RBM27: variants seen among roughly 807,000 people sequenced by gnomAD.
The protein encoded by RBM27 is RNA-binding protein 27.
In RBM27, 22 loss-of-function variants were observed where a neutral mutation model predicts 135.3. That is an observed-to-expected ratio of 0.16 (90% CI 0.12 to 0.23). The LOEUF (loss-of-function observed/expected upper bound fraction) is 0.23. Among genes scored for constraint, RBM27 ranks in the 10% least tolerant of loss-of-function variants. The pLI is 1.00. For synonymous variants in RBM27, 481 were observed against 442.4 expected (o/e 1.09, Z -1.10); for missense variants, 1,009 against 1,281.0 (o/e 0.79, Z 3.24).
chr5:146,284,685 G>GTACCAT lies in RBM27; in HGVS notation c.3053_3058dup (p.Pro1019_Ser1020insLeuPro). On this transcript the variant is annotated inframe_insertion, in exon 20 of 21. Coordinates refer to ENST00000265271, the MANE Select transcript of RBM27 (RefSeq NM_018989.2). ...ACAGATATCATGGCACAAGCCCAAG[G>GTACCAT]TACCATCTATATCCACTGAGACTGA... 6.2e-7 allele frequency: 1 copy of GTACCAT among 1,613,452 alleles called. No homozygotes were observed. The highest frequency in any genetic ancestry group is 8.5e-7 in the Non-Finnish European group (1 of 1,179,612).
At position 146,287,765 on chromosome 5, in the gene RBM27, T is replaced by C. The variant is rs1033901992; in HGVS notation, c.*1735T>C. 1 of 152,170 alleles carries C rather than the reference T, an allele frequency of 6.6e-6. No individual in the cohort carries two copies. Among genetic ancestry groups the C allele is most frequent in the Non-Finnish European group, 1.5e-5 (1 of 68,004 alleles). The allele number at this position is 152,170 out of a possible 1,614,324, so 9.4% of individuals were successfully genotyped here. ...TTCTTTCATAATAATGAGGACTTCCTTTTTCTAGGTTATTGTTATATTTCT... is the reference window on the plus strand; with the variant it reads ...TTCTTTCATAATAATGAGGACTTCCCTTTTCTAGGTTATTGTTATATTTCT... On this transcript the variant is annotated 3_prime_UTR_variant, in exon 21 of 21. Transcript: ENST00000265271.
At chr5:146,276,394 C>T (rs1463238616) in intron 19 of RBM27, among the ~76,000 whole-genome samples, 2 of 152,064 alleles carry the variant, frequency 1.3e-5, no homozygotes, top group Non-Finnish European at 2.9e-5. Context: ...ACCTGTGCTC[C>T]CACAATATTT....
chr5:146,278,855 G>A (rs988475684), intron 19 of RBM27, among the ~76,000 whole-genome samples: 4 of 151,696 alleles, frequency 2.6e-5, no homozygotes, highest in Non-Finnish European at 5.9e-5. Flanking sequence ...CCGAGTAGCT[G>A]GGACTACAGG....
In RBM27 at chr5:146,229,890, G is replaced by A. The variant is rs376785271; in HGVS notation, c.569G>A (p.Arg190Gln). Residue 190 changes from arginine (R) to glutamine (Q), a missense_variant, in exon 5 of 21, where the codon CGG (arginine) becomes CAG (glutamine). This residue lies in a region of RBM27 where 268 missense variants were observed against 326.6 expected (regional missense o/e 0.82). Coordinates refer to ENST00000265271, the MANE Select transcript of RBM27 (RefSeq NM_018989.2). ...RSRSRGRSKDRDPNRNVEHRE... is the reference protein window; with the variant it reads ...RSRSRGRSKDQDPNRNVEHRE... ...CGAAGTAGGGGGCGCAGCAAAGACC[G>A]GGATCCAAATAGGAATGTTGGTGAG... 12 of 1,613,734 alleles carry A rather than the reference G, an allele frequency of 7.4e-6. No homozygotes were observed. The highest frequency in any genetic ancestry group is 1.3e-5 in the African/African-American group (1 of 74,896).
At position 146,287,759 on chromosome 5, in the gene RBM27, A is replaced by G. The variant is rs1759641180; in HGVS notation, c.*1729A>G. On this transcript the variant is annotated 3_prime_UTR_variant, in exon 21 of 21. Coordinates refer to ENST00000265271, the MANE Select transcript of RBM27 (RefSeq NM_018989.2). Reference sequence around the variant, plus strand: ...ATAATTTTCTTTCATAATAATGAGGACTTCCTTTTTCTAGGTTATTGTTAT... The same window carrying G: ...ATAATTTTCTTTCATAATAATGAGGGCTTCCTTTTTCTAGGTTATTGTTAT... The G allele has an allele frequency of 6.6e-6, 1 of 152,150 alleles. No individual in the cohort carries two copies. Among genetic ancestry groups the G allele is most frequent in the African/African-American group, 2.4e-5 (1 of 41,438 alleles). 9.4% of individuals were successfully genotyped at this position (152,150 alleles called of 1,614,324 possible).
chr5:146,229,857 G>C lies in RBM27; in HGVS notation c.536G>C (p.Ser179Thr), dbSNP rs984824252. The C allele has an allele frequency of 1.9e-6, 3 of 1,613,900 alleles. No homozygotes were observed. In the African/African-American group the frequency reaches 4.0e-5, roughly 22 times the overall value. The change falls in exon 5 of 21, where the codon AGT becomes ACT. Residue 179 changes from serine to threonine, a missense_variant. This residue lies in a region of RBM27 where 268 missense variants were observed against 326.6 expected (regional missense o/e 0.82). Transcript: ENST00000265271. ...AGTAAGAGTCGAGGCCTGAGTCGCA[G>C]TAGAAGCCGAAGTAGGGGGCGCAGC... is the stretch of plus-strand genomic sequence containing the variant. ...SRSKSRGLSR[S>T]RSRSRGRSKD...
chr5:146,270,880 T>G (rs927928240), intron 17 of RBM27, 74 bp from the exon 18 acceptor site: 2 of 892,880 alleles, frequency 2.2e-6, no homozygotes, highest in African/African-American at 3.4e-5. Flanking sequence ...TGTGTCATTG[T>G]GTAACTATCA....
chr5:146,263,697 TATC>T, intron 14 of RBM27, 66 bp downstream of exon 14: 2 of 1,547,884 alleles, frequency 1.3e-6, no homozygotes, highest in Non-Finnish European at 1.8e-6. Flanking sequence ...ATAAATCAGT[TATC>T]ATTCAGACAG....
rs780000362 is a variant in RBM27 at position 146,289,011 on chromosome 5, TCTAA to T, written c.*2984_*2987del. The T allele has an allele frequency of 2.6e-5, 4 of 152,146 alleles. No homozygotes were observed. The highest frequency in any genetic ancestry group is 6.5e-5 in the Admixed American group (1 of 15,268). The allele number at this position is 152,146 out of a possible 1,614,324, so 9.4% of individuals were successfully genotyped here. ...GTATAATAGGAGATATTGTTGAATT[TCTAA>T]CTGTTTATACATTTAAATTCATATA... On this transcript the variant is annotated 3_prime_UTR_variant, in exon 21 of 21. Transcript: ENST00000265271.
chr5:146,228,852 G>A, intron 3 of RBM27, 94 bp from the exon 4 acceptor site: 1 of 893,784 alleles, frequency 1.1e-6, no homozygotes, highest in Non-Finnish European at 1.8e-6. Flanking sequence ...GCCTCAAGCA[G>A]TCTTCCCACC....
At chr5:146,217,165 T>C (rs1295665061) in intron 1 of RBM27, among the ~76,000 whole-genome samples, 2 of 151,500 alleles carry the variant, frequency 1.3e-5, no homozygotes, top group African/African-American at 2.4e-5. Context: ...CGGGGTTTCG[T>C]CATGTTGTCC....
intron 9 of RBM27, 62 bp downstream of exon 9, chr5:146,251,937 C>G: frequency 6.5e-7 from 1 of 1,535,670 alleles, no homozygotes; most frequent in Non-Finnish European, 9.0e-7. Context: ...GCTGGCCAGT[C>G]TAAGCGGTGA....
intron 7 of RBM27, 98 bp downstream of exon 7, chr5:146,233,841 A>G: frequency 2.5e-6 from 2 of 811,578 alleles, no homozygotes; most frequent in Non-Finnish European, 3.5e-6. Flanking sequence ...TTTGAGAAAT[A>G]GAGTAATAAT....
At chr5:146,218,589 C>T (rs1756314110) in intron 1 of RBM27, among the ~76,000 whole-genome samples, 1 of 152,156 alleles carries the variant, frequency 6.6e-6, no homozygotes, top group South Asian at 2.1e-4. Flanking sequence ...CATCACTTCC[C>T]TTCCTTTTGC....
In RBM27 at chr5:146,260,842, A is replaced by C; in HGVS notation, c.1837A>C (p.Asn613His). The change falls in exon 12 of 21, where the codon AAC (asparagine) becomes CAC (histidine). Residue 613 changes from asparagine to histidine, a missense_variant. Asn to His is a moderately conservative substitution (Grantham distance 68). Coordinates refer to ENST00000265271, the MANE Select transcript of RBM27 (RefSeq NM_018989.2). ...CAAGAAAATCCCTCAGGAATTGAAC[A>C]ACATTACCAAGCTCAATGAACACTT... ...EVKKIPQELN[N>H]ITKLNEHFSK... 6.2e-7 allele frequency: 1 copy of C among 1,613,884 alleles called. No individual in the cohort carries two copies. The highest frequency in any genetic ancestry group is 8.5e-7 in the Non-Finnish European group (1 of 1,179,930).
In RBM27 at chr5:146,260,749, G is replaced by A; in HGVS notation, c.1744G>A (p.Gly582Arg). The A allele has an allele frequency of 6.2e-7, 1 of 1,602,648 alleles. No individual in the cohort carries two copies. Among genetic ancestry groups the A allele is most frequent in the African/African-American group, 1.3e-5 (1 of 74,416 alleles). ...LTKKPWLGKQ[G>R]NNNQNKPGFL... ...ATGTATTAATCTTCCTTTTAGGCAA[G>A]GAAATAACAATCAAAATAAACCAGG... The change falls in exon 12 of 21, where the codon GGA becomes AGA. Residue 582 changes from glycine to arginine, a missense_variant. By Grantham distance (125) the Gly-to-Arg change is moderately radical. Around this residue, in one of 6 missense-constraint regions of RBM27, gnomAD observed 329 missense variants for 368.1 expected, o/e 0.89. Transcript: ENST00000265271.
intron 10 of RBM27, 53 bp downstream of exon 10, chr5:146,255,145 A>G: frequency 1.3e-6 from 2 of 1,504,546 alleles, no homozygotes; most frequent in Non-Finnish European, 1.8e-6. Context: ...GTAGTTGGAT[A>G]TAGTTATTAC....
chr5:146,264,105 C>CA (rs377296275), intron 14 of RBM27, among the ~76,000 whole-genome samples: 7,852 of 122,650 alleles, frequency 0.064, 609 homozygotes, highest in African/African-American at 0.2. Flanking sequence ...GACCCTGTGT[C>CA]AAAAAAAAAA....
rs57117642 is a variant in RBM27, at chr5:146,211,464, C to CTTTTTTTTTTTTTTTTTT, written c.60-7508_60-7491dup. Reference sequence around the variant, plus strand: ...CTTACTTTGTCCAGTATGGTCTTATCTTTTTTTTTTTTTTTTTTTTTTTTT... The same window carrying CTTTTTTTTTTTTTTTTTT: ...CTTACTTTGTCCAGTATGGTCTTATCTTTTTTTTTTTTTTTTTTTTTTTTTTTTTTTTTTTTTTTTTTT... On this transcript the variant is annotated intron_variant, in intron 1 of 20. Transcript: ENST00000265271. Among the ~76,000 whole-genome samples, 42 of 49,928 alleles carry CTTTTTTTTTTTTTTTTTT rather than the reference C, an allele frequency of 8.4e-4. 9 individuals carry two copies. Among genetic ancestry groups the CTTTTTTTTTTTTTTTTTT allele is most frequent in the Middle Eastern group, 0.02 (1 of 50 alleles). The allele number at this position is 49,928 out of a possible 152,430, so 32.8% of individuals were successfully genotyped here.
Sources: allele counts gnomAD v4.1 joint callset (sites outside exome capture counted in the v4.1 genomes callset), GRCh38; gene constraint gnomAD v4.1.1; regional missense constraint gnomAD v4.1.1; transcripts MANE v1.5; gene names NCBI Gene and HGNC (gene_info 2026-07-23, HGNC 2026-07-21).